Variants in PPP6R3 observed in about 807,000 individuals in gnomAD.
PPP6R3 encodes the protein protein phosphatase 6 regulatory subunit 3.
A neutral mutation model predicts 110.7 loss-of-function variants in PPP6R3; 38 were observed. The observed-to-expected ratio is 0.34, with a 90% CI of 0.26 to 0.45. The LOEUF (loss-of-function observed/expected upper bound fraction) is 0.45, where lower values mean the gene tolerates loss of function less well. Ranked by LOEUF, PPP6R3 falls within the 20% of genes least tolerant of loss-of-function variation. The pLI, the probability that PPP6R3 is intolerant of heterozygous loss-of-function variation, is 1.00. For synonymous variants in PPP6R3, 369 were observed against 373.5 expected, an observed-to-expected ratio of 0.99 and a Z score of 0.14; for missense variants, 870 against 1,062.4, an observed-to-expected ratio of 0.82 and a Z score of 2.52.
chr11:68,493,616 C>CATATATAT (rs71043436), intron 1 of PPP6R3, among the ~76,000 whole-genome samples: 33 of 137,484 alleles, frequency 2.4e-4, no homozygotes, highest in Non-Finnish European at 3.1e-4. Flanking sequence ...AAAACAAAAC[C>CATATATAT]ATATATATAT....
intron 12 of PPP6R3, among the ~76,000 whole-genome samples, chr11:68,572,836 G>T (rs2099512768): frequency 7.3e-6 from 1 of 136,552 alleles, no homozygotes; most frequent in Non-Finnish European, 1.6e-5. Flanking sequence ...GCAAGACCTT[G>T]TCTCTACCTA....
intron 1 of PPP6R3, among the ~76,000 whole-genome samples, chr11:68,480,436 T>A (rs978832165): frequency 2.0e-5 from 3 of 152,230 alleles, no homozygotes. Context: ...AAGAACAGAA[T>A]GGATAATATT....
At chr11:68,544,761 GC>G (rs2099341935) in intron 3 of PPP6R3, 76 bp from the exon 4 acceptor site, 2 of 995,780 alleles carry the variant, frequency 2.0e-6, no homozygotes, top group African/African-American at 1.6e-5. Flanking sequence ...ATCTTGGGAA[GC>G]CTTTCTGATT....
chr11:68,594,075 A>G (rs1042651003), intron 18 of PPP6R3, among the ~76,000 whole-genome samples: 6 of 152,200 alleles, frequency 3.9e-5, no homozygotes, highest in Non-Finnish European at 7.4e-5. Context: ...AGAACAAGAT[A>G]TGTTAACACT....
chr11:68,579,672 A>G (rs2099545465), intron 14 of PPP6R3, among the ~76,000 whole-genome samples: 1 of 152,264 alleles, frequency 6.6e-6, no homozygotes, highest in South Asian at 2.1e-4. Context: ...TATGTGTAAT[A>G]TACAGTCATG....
intron 22 of PPP6R3, among the ~76,000 whole-genome samples, chr11:68,606,961 C>T (rs1318586481): frequency 6.6e-6 from 1 of 152,104 alleles, no homozygotes; most frequent in Non-Finnish European, 1.5e-5. Flanking sequence ...GCAACCAGAA[C>T]ATAAAAAGCA....
At chr11:68,521,883 T>C (rs1244315026) in intron 2 of PPP6R3, among the ~76,000 whole-genome samples, 1 of 152,176 alleles carries the variant, frequency 6.6e-6, no homozygotes, top group African/African-American at 2.4e-5. Context: ...TTTCACCTAA[T>C]TGGTCTTTAA....
intron 1 of PPP6R3, among the ~76,000 whole-genome samples, chr11:68,498,322 C>T (rs1262636182): frequency 6.6e-6 from 1 of 152,166 alleles, no homozygotes; most frequent in Non-Finnish European, 1.5e-5. Flanking sequence ...GCTCTAACAA[C>T]CATACACTCA....
intron 2 of PPP6R3, among the ~76,000 whole-genome samples, chr11:68,522,075 G>A (rs1400260148): frequency 6.6e-6 from 1 of 152,158 alleles, no homozygotes; most frequent in Non-Finnish European, 1.5e-5. Context: ...TATTTGGAAG[G>A]CATATGTAGA....
At chr11:68,569,711 A>C in intron 10 of PPP6R3, 37 bp from the exon 11 acceptor site, 1 of 1,502,712 alleles carries the variant, frequency 6.7e-7, no homozygotes, top group Non-Finnish European at 9.0e-7. Flanking sequence ...TTAAACATTG[A>C]GGTAACCGAA....
intron 12 of PPP6R3, 187 bp downstream of exon 12, chr11:68,571,291 G>A: frequency 1.2e-6 from 1 of 860,624 alleles, no homozygotes; most frequent in South Asian, 2.1e-5. Context: ...TTCTTGTTAG[G>A]TCCTCTTGTT....
intron 16 of PPP6R3, among the ~76,000 whole-genome samples, chr11:68,588,990 T>G (rs1316445126): frequency 6.6e-6 from 1 of 151,810 alleles, no homozygotes; most frequent in Non-Finnish European, 1.5e-5. Flanking sequence ...GCGGATCACT[T>G]GAGGTTAGGG....
At chr11:68,596,642 G>A (rs2099614642) in intron 19 of PPP6R3, among the ~76,000 whole-genome samples, 1 of 152,234 alleles carries the variant, frequency 6.6e-6, no homozygotes, top group Non-Finnish European at 1.5e-5. Flanking sequence ...ATTTCAGTGC[G>A]TTCTTCGTAG....
chr11:68,590,136 C>G (rs984112899), intron 16 of PPP6R3, among the ~76,000 whole-genome samples: 1 of 152,192 alleles, frequency 6.6e-6, no homozygotes. Context: ...AAGATAGCCC[C>G]TCCTCTTCAA....
intron 18 of PPP6R3, among the ~76,000 whole-genome samples, chr11:68,594,357 A>T (rs1365588151): frequency 1.3e-5 from 2 of 150,566 alleles, no homozygotes; most frequent in Non-Finnish European, 2.9e-5. Flanking sequence ...TGAGAGAGAG[A>T]GAGAGTGAGT....
At chr11:68,473,100 TC>T (rs1456300622) in intron 1 of PPP6R3, among the ~76,000 whole-genome samples, 3 of 152,206 alleles carry the variant, frequency 2.0e-5, no homozygotes, top group African/African-American at 7.2e-5. Context: ...ATGATAAGTG[TC>T]TTTTTGTATG....
chr11:68,598,007 T>A (rs1453228747), intron 19 of PPP6R3, among the ~76,000 whole-genome samples: 2 of 151,842 alleles, frequency 1.3e-5, no homozygotes, highest in African/African-American at 4.8e-5. Context: ...AGTTCAGTAG[T>A]ATATTCACAC....
At chr11:68,467,342 C>G (rs1231649334) in intron 1 of PPP6R3, among the ~76,000 whole-genome samples, 1 of 152,094 alleles carries the variant, frequency 6.6e-6, no homozygotes, top group African/African-American at 2.4e-5. Flanking sequence ...TTTGAATTCC[C>G]CAGAGATTGA....
intron 6 of PPP6R3, among the ~76,000 whole-genome samples, chr11:68,553,926 T>A (rs1384259124): frequency 1.3e-5 from 2 of 152,214 alleles, no homozygotes; most frequent in Non-Finnish European, 2.9e-5. Flanking sequence ...GACATCTCCC[T>A]GCACATAGCA....
Sources: gnomAD v4.1 joint callset for allele counts (sites outside exome capture counted in the v4.1 genomes callset) on GRCh38, gnomAD v4.1.1 for gene constraint, MANE v1.5 for transcripts, NCBI Gene and HGNC (gene_info 2026-07-23, HGNC 2026-07-21) for gene names.